The following HSPA4L variants were observed in gnomAD, a reference collection of about 807,000 sequenced individuals.
HSPA4L encodes the protein heat shock protein family A (Hsp70) member 4 like.
HSPA4L carries 48 observed loss-of-function variants against 100.3 expected under a neutral mutation model. The ratio of observed to expected loss-of-function variants is 0.48; its 90% CI spans 0.38 to 0.61. HSPA4L has a LOEUF of 0.61. Among genes scored for constraint, HSPA4L ranks in the 20% least tolerant of loss-of-function variants. The pLI, the probability that HSPA4L is intolerant of heterozygous loss-of-function variation, is 0.00. For missense variants in HSPA4L, 886 were observed against 988.6 expected (o/e 0.90, Z 1.39); for synonymous variants, 319 against 328.2 (o/e 0.97, Z 0.30).
intron 14 of HSPA4L, among the ~76,000 whole-genome samples, chr4:127,822,179 C>T (rs940071621): frequency 6.6e-6 from 1 of 152,034 alleles, no homozygotes; most frequent in Non-Finnish European, 1.5e-5. Context: ...ACTTATTTTC[C>T]TCCCTTCTCC....
At chr4:127,795,641 A>G in intron 2 of HSPA4L, 127 bp from the exon 3 acceptor site, 2 of 872,638 alleles carry the variant, frequency 2.3e-6, no homozygotes. Context: ...GAAAAAATGA[A>G]TGATTATTTG....
In HSPA4L at chr4:127,837,359, G is replaced by T. The variant is rs566465768; in HGVS notation, c.*4485G>T. 14 of 152,310 alleles carry T rather than the reference G, an allele frequency of 9.2e-5. No homozygotes were observed. The highest frequency in any genetic ancestry group is 3.4e-4 in the African/African-American group (14 of 41,570). The allele number at this position is 152,310 out of a possible 1,614,324, so 9.4% of individuals were successfully genotyped here. A position where few individuals can be genotyped will look rare whatever the true frequency, so the allele number is the denominator to read the frequency against. On this transcript the variant is annotated 3_prime_UTR_variant, in exon 19 of 19. Coordinates refer to ENST00000296464, the MANE Select transcript of HSPA4L (RefSeq NM_014278.4). ...ATTTTATTGTATAAACTGTTAATGA[G>T]AGGCACAGCTAATTGTACATATCAA... is the stretch of plus-strand genomic sequence containing the variant.
intron 3 of HSPA4L, among the ~76,000 whole-genome samples, chr4:127,797,602 ATTTTT>A (rs200747966): frequency 7.3e-6 from 1 of 136,734 alleles, no homozygotes. Context: ...TTTAAAAAAA[ATTTTT>A]TTTTTTTTTT....
chr4:127,795,725 A>G, intron 2 of HSPA4L, 43 bp from the exon 3 acceptor site: 1 of 1,600,008 alleles, frequency 6.2e-7, no homozygotes, highest in Non-Finnish European at 8.5e-7. Context: ...TTTATTTTGC[A>G]TTTATTAGGT....
chr4:127,801,054 C>T (rs1733160052), intron 4 of HSPA4L, 84 bp from the exon 5 acceptor site: 1 of 952,398 alleles, frequency 1.0e-6, no homozygotes, highest in South Asian at 1.7e-5. Context: ...TTAAACTGTA[C>T]ATAAGTTTTA....
chr4:127,805,431 A>G (rs535282279), intron 9 of HSPA4L, among the ~76,000 whole-genome samples: 58 of 152,288 alleles, frequency 3.8e-4, no homozygotes, highest in African/African-American at 1.3e-3. Flanking sequence ...CACTGAAAGA[A>G]TATTAATTTT....
intron 12 of HSPA4L, among the ~76,000 whole-genome samples, chr4:127,815,337 C>T (rs533121268): frequency 6.6e-6 from 1 of 151,878 alleles, no homozygotes; most frequent in Admixed American, 6.6e-5. Context: ...CACATCAAGC[C>T]CTGAATACTT....
intron 16 of HSPA4L, among the ~76,000 whole-genome samples, chr4:127,825,137 C>G (rs1219905186): frequency 6.8e-6 from 1 of 148,018 alleles, no homozygotes; most frequent in Admixed American, 6.7e-5. Flanking sequence ...GAGACTCCAT[C>G]TCAAAAAAAA....
intron 16 of HSPA4L, among the ~76,000 whole-genome samples, chr4:127,824,962 C>T (rs1311119537): frequency 1.3e-5 from 2 of 152,074 alleles, no homozygotes; most frequent in East Asian, 3.9e-4. Flanking sequence ...TGGTGAAACC[C>T]TGTCTCTACT....
intron 1 of HSPA4L, chr4:127,783,624 C>CT: frequency 2.0e-6 from 3 of 1,535,056 alleles, no homozygotes; most frequent in Middle Eastern, 1.7e-4. Context: ...GCTGCTGTTA[C>CT]TGGTAATTTT....
Position 127,803,776 on chromosome 4 carries a change from G to A in HSPA4L, c.811G>A (p.Glu271Lys), listed in dbSNP as rs756505685. 2 of 1,613,914 alleles carry A rather than the reference G, an allele frequency of 1.2e-6. No homozygotes were observed. Among genetic ancestry groups the A allele is most frequent in the Admixed American group, 3.3e-5 (2 of 59,998 alleles). Residue 271 changes from glutamate (E) to lysine (K), a missense_variant, in exon 7 of 19, where the codon GAA becomes AAA. Transcript: ENST00000296464. ...RALLRLYQECEKLKKLMSANA... is the reference protein window; with the variant it reads ...RALLRLYQECKKLKKLMSANA... ...CTTGTTGCGTTTATATCAGGAATGT[G>A]AAAAACTAAAGAAGCTAATGAGTGC...
chr4:127,794,124 C>T lies in HSPA4L; in HGVS notation c.155C>T (p.Ala52Val). The change falls in exon 2 of 19, where the codon GCA becomes GTA. Residue 52 changes from alanine to valine, a missense_variant. By Grantham distance (64) the Ala-to-Val change is moderately conservative. Coordinates refer to ENST00000296464, the MANE Select transcript of HSPA4L (RefSeq NM_014278.4). ...AGAACTCGAGCCATTGGAAATGCAGCAAAGAGCCAGGTAAATTGTTAATGT... is the reference window on the plus strand; with the variant it reads ...AGAACTCGAGCCATTGGAAATGCAGTAAAGAGCCAGGTAAATTGTTAATGT... ...GSRTRAIGNA[A>V]KSQIVTNVRN... 6.2e-7 allele frequency: 1 copy of T among 1,610,296 alleles called. No individual in the cohort carries two copies. The highest frequency in any genetic ancestry group is 8.5e-7 in the Non-Finnish European group (1 of 1,177,590).
intron 12 of HSPA4L, among the ~76,000 whole-genome samples, chr4:127,813,977 C>T (rs981650860): frequency 6.6e-6 from 1 of 151,908 alleles, no homozygotes; most frequent in Non-Finnish European, 1.5e-5. Context: ...CTGCTGAGAC[C>T]TTTAATTTTC....
At chr4:127,793,933 A>C (rs1732945287) in intron 1 of HSPA4L, 144 bp from the exon 2 acceptor site, 2 of 531,586 alleles carry the variant, frequency 3.8e-6, no homozygotes, top group Non-Finnish European at 3.3e-6. Flanking sequence ...CTTTAAAATA[A>C]ATTTTTGATT....
At chr4:127,821,753 T>C (rs1733819082) in intron 14 of HSPA4L, among the ~76,000 whole-genome samples, 2 of 152,130 alleles carry the variant, frequency 1.3e-5, no homozygotes, top group Non-Finnish European at 2.9e-5. Context: ...GTGTCAAACA[T>C]GGAACTAAAT....
At position 127,818,376 on chromosome 4, in the gene HSPA4L, C is replaced by A. The variant is rs755849428; in HGVS notation, c.1630C>A (p.His544Asn). Residue 544 changes from histidine to asparagine, a missense_variant, in exon 13 of 19, where the codon CAC (histidine) becomes AAC (asparagine). By Grantham distance (68) the His-to-Asn change is moderately conservative. Transcript: ENST00000296464. ...AGGGCATCAAAAATGTCATGCTGAACACACTCCAGAAGAGGAAATTGATCA... is the reference window on the plus strand; with the variant it reads ...AGGGCATCAAAAATGTCATGCTGAAAACACTCCAGAAGAGGAAATTGATCA... ...EEGHQKCHAE[H>N]TPEEEIDHTG... 6.2e-7 allele frequency: 1 copy of A among 1,612,422 alleles called. No homozygotes were observed. The highest frequency in any genetic ancestry group is 8.5e-7 in the Non-Finnish European group (1 of 1,178,970).
At position 127,835,038 on chromosome 4, in the gene HSPA4L, T is replaced by A. The variant is rs1734172225; in HGVS notation, c.*2164T>A. 1 of 152,210 alleles carries A rather than the reference T, an allele frequency of 6.6e-6. No individual in the cohort carries two copies. Among genetic ancestry groups the A allele is most frequent in the Admixed American group, 6.5e-5 (1 of 15,286 alleles). The allele number at this position is 152,210 out of a possible 1,614,324, so 9.4% of individuals were successfully genotyped here. A position where few individuals can be genotyped will look rare whatever the true frequency, so the allele number is the denominator to read the frequency against. On this transcript the variant is annotated 3_prime_UTR_variant, in exon 19 of 19. Coordinates refer to ENST00000296464, the MANE Select transcript of HSPA4L (RefSeq NM_014278.4). Reference sequence around the variant, plus strand: ...TTTAGCCTTATAATGTATTTATTTATTTAATTCATTAATGAAAGAGAGTGC... The same window carrying A: ...TTTAGCCTTATAATGTATTTATTTAATTAATTCATTAATGAAAGAGAGTGC...
rs575895231 is a variant in HSPA4L at position 127,789,559 on chromosome 4, A to G, written c.108-4518A>G. 2.6e-5 allele frequency among the ~76,000 whole-genome samples: 4 copies of G among 152,178 alleles called. No homozygotes were observed. The East Asian group carries it at 7.7e-4, about 29-fold the overall frequency. ...GCTACTCGGGAGGCTGAGGCAGGAG[A>G]ATGGCGTGAACCCGGGAGGTGGAGG... On this transcript the variant is annotated intron_variant, in intron 1 of 18. Coordinates refer to ENST00000296464, the MANE Select transcript of HSPA4L (RefSeq NM_014278.4).
intron 10 of HSPA4L, 84 bp downstream of exon 10, chr4:127,805,877 C>T (rs546695454): frequency 2.1e-5 from 17 of 824,342 alleles, no homozygotes; most frequent in African/African-American, 1.2e-4. Context: ...GAGAAATTTA[C>T]GCTTCTTAAA....
Sources: allele counts gnomAD v4.1 joint callset (sites outside exome capture counted in the v4.1 genomes callset), GRCh38; gene constraint gnomAD v4.1.1; transcripts MANE v1.5; gene names NCBI Gene and HGNC (gene_info 2026-07-23, HGNC 2026-07-21).